The following PCDHAC2 variants were observed in gnomAD, a reference collection of about 807,000 sequenced individuals.
PCDHAC2 encodes protocadherin alpha subfamily C, 2, also known as protocadherin alpha-C2.
Under a neutral mutation model 63.3 loss-of-function variants are expected in PCDHAC2, and 24 were observed. The ratio of observed to expected loss-of-function variants is 0.38; its 90% CI spans 0.27 to 0.53. PCDHAC2 has a LOEUF of 0.53. Among genes scored for constraint, PCDHAC2 ranks in the 20% least tolerant of loss-of-function variants. The pLI, the probability that PCDHAC2 is intolerant of heterozygous loss-of-function variation, is 0.81. For synonymous variants in PCDHAC2, 569 were observed against 529.4 expected (o/e 1.07, Z -1.03); for missense variants, 1,181 against 1,275.2 (o/e 0.93, Z 1.12).
chr5:140,969,211 A>T lies in PCDHAC2; in HGVS notation c.2445A>T (p.Thr815=). ...TGTTTTACAATACAGGGGCCCAGAC[A>T]GGACCAGGGCCTTCGGGAGCCCAAG... The part of the protein sequence containing the change: ...TFMFYNTGAQ[T]GPGPSGAQAA... The change falls in exon 1 of 4, where the codon ACA becomes ACT. Residue 815 remains threonine, a synonymous_variant. Transcript: ENST00000289269. The T allele has an allele frequency of 6.2e-7, 1 of 1,614,206 alleles. No individual in the cohort carries two copies. Among genetic ancestry groups the T allele is most frequent in the Non-Finnish European group, 8.5e-7 (1 of 1,180,038 alleles).
chr5:140,982,687 C>T (rs2096996612), intron 3 of PCDHAC2, 124 bp downstream of exon 3: 1 of 1,415,822 alleles, frequency 7.1e-7, no homozygotes, highest in Non-Finnish European at 9.3e-7. Flanking sequence ...CCCTTTTTTC[C>T]ATACATACAT....
Position 140,967,698 on chromosome 5 carries a change from A to T in PCDHAC2, c.932A>T (p.Asp311Val). The change falls in exon 1 of 4, where the codon GAT becomes GTT. Residue 311 changes from aspartate to valine, a missense_variant. Transcript: ENST00000289269. ...CGGGAGAGGCAGCTCTTCAGCATAG[A>T]TGCCAGTACCGGGGAAGTGCGAGTA... Reference protein sequence around the residue: ...SDRERQLFSIDASTGEVRVIG... With the variant: ...SDRERQLFSIVASTGEVRVIG... The T allele has an allele frequency of 6.2e-7, 1 of 1,614,174 alleles. No homozygotes were observed. The highest frequency in any genetic ancestry group is 8.5e-7 in the Non-Finnish European group (1 of 1,180,038).
intron 3 of PCDHAC2, among the ~76,000 whole-genome samples, chr5:140,990,731 A>G (rs1554251699): frequency 1.3e-5 from 2 of 152,166 alleles, no homozygotes; most frequent in South Asian, 4.1e-4. Flanking sequence ...AGGTATATCA[A>G]CAGCCCTAGG....
intron 3 of PCDHAC2, among the ~76,000 whole-genome samples, chr5:140,999,986 G>A (rs2097887000): frequency 6.6e-6 from 1 of 151,990 alleles, no homozygotes; most frequent in African/African-American, 2.4e-5. Context: ...GCGGCCTCTG[G>A]GTAGTGGTAT....
At position 140,968,229 on chromosome 5, in the gene PCDHAC2, TC is replaced by T; in HGVS notation, c.1464del (p.Cys489ValfsTer16). On this transcript the variant is annotated frameshift_variant, in exon 1 of 4. Coordinates refer to ENST00000289269, the MANE Select transcript of PCDHAC2 (RefSeq NM_018899.6). LOFTEE classifies it high-confidence loss of function. ...GAGAACAATTTGCCAGGTGTGTTGC[TC>T]TGTACTGTGCAAGCCACAGACCCAG... ...IQENNLPGVL[L>X]CTVQATDPDE... The T allele has an allele frequency of 1.2e-6, 2 of 1,613,970 alleles. No homozygotes were observed. Among genetic ancestry groups the T allele is most frequent in the Non-Finnish European group, 1.7e-6 (2 of 1,180,014 alleles).
chr5:140,985,018 A>G (rs1384418667), intron 3 of PCDHAC2, among the ~76,000 whole-genome samples: 2 of 152,026 alleles, frequency 1.3e-5, no homozygotes, highest in Non-Finnish European at 2.9e-5. Flanking sequence ...GCTCACAGCA[A>G]CCTCTGCCTC....
chr5:140,989,874 A>C (rs1328387054), intron 3 of PCDHAC2, among the ~76,000 whole-genome samples: 1 of 152,098 alleles, frequency 6.6e-6, no homozygotes, highest in Admixed American at 6.6e-5. Context: ...TCTCTGCCTC[A>C]GCACTTGGAG....
chr5:141,003,001 C>T (rs1403843420), intron 3 of PCDHAC2, among the ~76,000 whole-genome samples: 3 of 152,182 alleles, frequency 2.0e-5, no homozygotes, highest in Admixed American at 1.3e-4. Flanking sequence ...AGTTTATGTT[C>T]TATTAGGGAA....
At chr5:140,984,869 T>C (rs1587042657) in intron 3 of PCDHAC2, among the ~76,000 whole-genome samples, 1 of 152,174 alleles carries the variant, frequency 6.6e-6, no homozygotes, top group East Asian at 1.9e-4. Flanking sequence ...ACCTATTTTA[T>C]TGAGTTACCA....
intron 1 of PCDHAC2, among the ~76,000 whole-genome samples, chr5:140,970,867 G>A (rs1207924606): frequency 6.6e-6 from 1 of 152,124 alleles, no homozygotes; most frequent in Non-Finnish European, 1.5e-5. Flanking sequence ...ATTCCTGATT[G>A]AGAGTAGATT....
chr5:140,982,254 T>C (rs1275431812), intron 2 of PCDHAC2: 9 of 774,802 alleles, frequency 1.2e-5, no homozygotes, highest in Non-Finnish European at 1.5e-5. Flanking sequence ...AGATAGAACA[T>C]GTGTGTTCCT....
At chr5:140,971,692 C>G (rs2096492766) in intron 1 of PCDHAC2, among the ~76,000 whole-genome samples, 1 of 152,116 alleles carries the variant, frequency 6.6e-6, no homozygotes, top group South Asian at 2.1e-4. Context: ...TTTGTACTCA[C>G]TAACCACCCT....
chr5:140,978,601 G>A (rs1382051729), intron 1 of PCDHAC2, among the ~76,000 whole-genome samples: 1 of 152,244 alleles, frequency 6.6e-6, no homozygotes, highest in African/African-American at 2.4e-5. Flanking sequence ...TGGGGCACTT[G>A]AGGGCAAAAG....
chr5:140,967,645 G>A lies in PCDHAC2; in HGVS notation c.879G>A (p.Arg293=), dbSNP rs782043521. ...ATGAGGGCTCCAATGGTGAGCTCAG[G>A]TACTCCTTGAGCAGCTACACGTCGG... ...DPDEGSNGEL[R]YSLSSYTSDR... The change falls in exon 1 of 4, where the codon AGG becomes AGA. Residue 293 remains arginine (R), a synonymous_variant. Transcript: ENST00000289269. 1.9e-5 allele frequency: 30 copies of A among 1,614,144 alleles called. 1 individual carries two copies. In the South Asian group the frequency reaches 3.2e-4, roughly 17 times the overall value.
At chr5:140,983,104 T>C (rs907787884) in intron 3 of PCDHAC2, among the ~76,000 whole-genome samples, 3 of 152,234 alleles carry the variant, frequency 2.0e-5, no homozygotes, top group Admixed American at 1.3e-4. Flanking sequence ...TGCTTCTCTC[T>C]GCACATCAAC....
intron 3 of PCDHAC2, among the ~76,000 whole-genome samples, chr5:140,991,432 C>T (rs2153896288): frequency 6.6e-6 from 1 of 152,310 alleles, no homozygotes; most frequent in Non-Finnish European, 1.5e-5. Flanking sequence ...TAACCATAAA[C>T]TTCATGGCTT....
At chr5:140,998,906 AG>A (rs1267220398) in intron 3 of PCDHAC2, among the ~76,000 whole-genome samples, 10 of 152,208 alleles carry the variant, frequency 6.6e-5, no homozygotes, top group Non-Finnish European at 1.5e-5. Context: ...TGCCTCCGGG[AG>A]GTAGCTATTA....
At position 140,982,439 on chromosome 5, in the gene PCDHAC2, G is replaced by A. The variant is rs553328430; in HGVS notation, c.2625-36G>A. The A allele has an allele frequency of 6.8e-5, 109 of 1,613,560 alleles. 3 individuals carry two copies. In the South Asian group the frequency reaches 1.0e-3, roughly 15 times the overall value. On this transcript the variant is annotated intron_variant, in intron 2 of 3. Transcript: ENST00000289269. ...GAAGAAGAGATGGGAAAGAATTTAT[G>A]ATCTAACCGTTATCTGGGTCTGTGT... is the stretch of plus-strand genomic sequence containing the variant.
In PCDHAC2 at chr5:141,009,718, A is replaced by G. The variant is rs2098413942; in HGVS notation, c.2805A>G (p.Gln935=). Residue 935 remains glutamine, a synonymous_variant, in exon 4 of 4, where the codon CAA becomes CAG. Transcript: ENST00000289269. ...TFKYGPGNPK[Q]SGPGELPDKF... ...AATACGGACCAGGCAACCCCAAACA[A>G]TCCGGTCCCGGTGAGTTGCCCGACA... The G allele has an allele frequency of 1.2e-6, 2 of 1,614,044 alleles. No homozygotes were observed. The highest frequency in any genetic ancestry group is 1.1e-5 in the South Asian group (1 of 91,052).
Sources: gnomAD v4.1 joint callset for allele counts (sites outside exome capture counted in the v4.1 genomes callset) on GRCh38, gnomAD v4.1.1 for gene constraint, MANE v1.5 for transcripts, NCBI Gene and HGNC (gene_info 2026-07-23, HGNC 2026-07-21) for gene names.